Variants in ESR1 observed in about 807,000 individuals in gnomAD.
ESR1 encodes the protein estrogen receptor.
In ESR1, 12 loss-of-function variants were observed where a neutral mutation model predicts 52.7. The ratio of observed to expected loss-of-function variants is 0.23; its 90% CI spans 0.15 to 0.37. The LOEUF (loss-of-function observed/expected upper bound fraction) is 0.37. Ranked by LOEUF, ESR1 falls within the 10% of genes least tolerant of loss-of-function variation. ESR1 has a pLI of 1.00. For synonymous variants in ESR1, 305 were observed against 316.8 expected (o/e 0.96, Z 0.39); for missense variants, 584 against 779.7 (o/e 0.75, Z 2.99).
chr6:151,908,027 GTAACAAAAGGT>G (rs1797709100), intron 3 of ESR1, among the ~76,000 whole-genome samples: 1 of 152,198 alleles, frequency 6.6e-6, no homozygotes, highest in African/African-American at 2.4e-5. Context: ...GGAAGGGTAT[GTAACAAAAGGT>G]TAACAATGGT....
intron 4 of ESR1, among the ~76,000 whole-genome samples, chr6:151,975,686 T>C (rs1310998742): frequency 6.6e-6 from 1 of 152,198 alleles, no homozygotes; most frequent in Non-Finnish European, 1.5e-5. Context: ...AATAATCTGT[T>C]TTACTTAAAG....
chr6:151,922,314 A>G (rs2128464916), intron 3 of ESR1, among the ~76,000 whole-genome samples: 1 of 152,326 alleles, frequency 6.6e-6, no homozygotes, highest in African/African-American at 2.4e-5. Flanking sequence ...AAATTAATTC[A>G]AGATGGATTA....
chr6:152,018,370 T>C (rs1399575578), intron 5 of ESR1, among the ~76,000 whole-genome samples: 2 of 151,838 alleles, frequency 1.3e-5, no homozygotes, highest in Non-Finnish European at 2.9e-5. Flanking sequence ...GCTATCTTTT[T>C]CCCCATGTAA....
At chr6:151,904,215 T>C (rs1003423491) in intron 3 of ESR1, among the ~76,000 whole-genome samples, 3 of 152,178 alleles carry the variant, frequency 2.0e-5, no homozygotes, top group African/African-American at 4.8e-5. Context: ...TAAAACCAAA[T>C]ATTACAACTA....
intron 1 of ESR1, among the ~76,000 whole-genome samples, chr6:151,657,323 C>A (rs994195355): frequency 6.6e-6 from 1 of 152,062 alleles, no homozygotes; most frequent in African/African-American, 2.4e-5. Flanking sequence ...TGGGTACTAA[C>A]CATTAAAATT....
At chr6:151,728,156 C>T (rs1781979480) in intron 2 of ESR1, among the ~76,000 whole-genome samples, 1 of 152,160 alleles carries the variant, frequency 6.6e-6, no homozygotes, top group African/African-American at 2.4e-5. Context: ...AGTCCTCCCT[C>T]TTATGTGGCA....
At chr6:151,864,068 A>G (rs1326309230) in intron 2 of ESR1, among the ~76,000 whole-genome samples, 3 of 152,174 alleles carry the variant, frequency 2.0e-5, no homozygotes, top group Admixed American at 6.5e-5. Context: ...AATGGGATCT[A>G]ATTAAACTAA....
chr6:151,675,302 G>A (rs1335758276), intron 1 of ESR1, among the ~76,000 whole-genome samples: 1 of 152,152 alleles, frequency 6.6e-6, no homozygotes, highest in Non-Finnish European at 1.5e-5. Flanking sequence ...GAGGCTTGTG[G>A]TGGAGAGCTG....
chr6:151,895,183 G>T (rs1260093844), intron 3 of ESR1, among the ~76,000 whole-genome samples: 5 of 132,826 alleles, frequency 3.8e-5, no homozygotes, highest in Non-Finnish European at 8.0e-5. Context: ...TTCTTGATTT[G>T]ATTCTCACCT....
At chr6:151,661,356 G>A (rs1200717656) in intron 1 of ESR1, among the ~76,000 whole-genome samples, 3 of 152,204 alleles carry the variant, frequency 2.0e-5, no homozygotes, top group Non-Finnish European at 4.4e-5. Context: ...AGAGGCAAGT[G>A]GAGGGTAAAG....
intron 1 of ESR1, among the ~76,000 whole-genome samples, chr6:151,699,055 T>G (rs750420908): frequency 6.6e-6 from 1 of 152,206 alleles, no homozygotes; most frequent in South Asian, 2.1e-4. Context: ...TAAGCAGTAT[T>G]AATGTAGTGG....
At chr6:152,088,582 A>G (rs915955650) in intron 6 of ESR1, among the ~76,000 whole-genome samples, 5 of 152,190 alleles carry the variant, frequency 3.3e-5, no homozygotes, top group African/African-American at 1.2e-4. Flanking sequence ...TCAATGAGTT[A>G]TCCCAGGAGT....
At chr6:151,675,414 T>G (rs1002004720) in intron 1 of ESR1, among the ~76,000 whole-genome samples, 6 of 152,094 alleles carry the variant, frequency 3.9e-5, no homozygotes, top group Non-Finnish European at 7.3e-5. Flanking sequence ...TCTAATAAGT[T>G]TCTGAGCTGC....
At chr6:152,009,703 G>A (rs556857274) in intron 4 of ESR1, among the ~76,000 whole-genome samples, 1 of 152,218 alleles carries the variant, frequency 6.6e-6, no homozygotes, top group Non-Finnish European at 1.5e-5. Flanking sequence ...CACCTGGCAT[G>A]CTATATACAG....
chr6:151,897,878 G>A (rs1480881411), intron 3 of ESR1, among the ~76,000 whole-genome samples: 1 of 152,170 alleles, frequency 6.6e-6, no homozygotes, highest in Non-Finnish European at 1.5e-5. Context: ...TAGTCATGTA[G>A]TGCTGGCTTG....
exon 7 of ESR1, chr6:152,126,867 A>G (rs1372028557): frequency 6.6e-6 from 1 of 152,226 alleles, no homozygotes; most frequent in Non-Finnish European, 1.5e-5. Flanking sequence ...GGAAATGAAA[A>G]TGAGTTAATT....
intron 1 of ESR1, among the ~76,000 whole-genome samples, chr6:151,824,658 G>A (rs1319879504): frequency 1.3e-5 from 2 of 152,190 alleles, no homozygotes; most frequent in South Asian, 2.1e-4. Flanking sequence ...ATGTTACAAT[G>A]TATGAAGGGA....
At chr6:151,860,608 A>G (rs984501727) in intron 2 of ESR1, among the ~76,000 whole-genome samples, 8 of 152,224 alleles carry the variant, frequency 5.3e-5, no homozygotes, top group Non-Finnish European at 1.0e-4. Context: ...TCAGCTTTCA[A>G]AAAGGACATC....
At chr6:151,739,657 C>A (rs572706950) in intron 2 of ESR1, among the ~76,000 whole-genome samples, 1 of 152,208 alleles carries the variant, frequency 6.6e-6, no homozygotes, top group Non-Finnish European at 1.5e-5. Flanking sequence ...AACCCCGAAC[C>A]CCTTTGATCC....
Sources: gnomAD v4.1 joint callset for allele counts (sites outside exome capture counted in the v4.1 genomes callset) on GRCh38, gnomAD v4.1.1 for gene constraint, MANE v1.5 for transcripts, NCBI Gene and HGNC (gene_info 2026-07-23, HGNC 2026-07-21) for gene names.